Variants in DPP6 observed in about 807,000 individuals in gnomAD.
DPP6 encodes the protein A-type potassium channel modulatory protein DPP6.
In DPP6, 69 loss-of-function variants were observed where a neutral mutation model predicts 122.6. That is an observed-to-expected ratio of 0.56 (90% CI 0.46 to 0.69). The LOEUF (loss-of-function observed/expected upper bound fraction) is 0.69. Ranked by LOEUF, DPP6 falls within the 30% of genes least tolerant of loss-of-function variation. The pLI, the probability that DPP6 is intolerant of heterozygous loss-of-function variation, is 0.00. For missense variants in DPP6, 928 were observed against 1,116.9 expected, an observed-to-expected ratio of 0.83 and a Z score of 2.41; for synonymous variants, 418 against 433.1, an observed-to-expected ratio of 0.97 and a Z score of 0.43.
At chr7:153,957,601 C>A (rs2129026157) in intron 1 of DPP6, among the ~76,000 whole-genome samples, 1 of 152,294 alleles carries the variant, frequency 6.6e-6, no homozygotes, top group Non-Finnish European at 1.5e-5. Context: ...AAAGGACTTG[C>A]TTTATTTTAC....
intron 4 of DPP6, among the ~76,000 whole-genome samples, chr7:154,547,895 T>A (rs1308831978): frequency 6.6e-6 from 1 of 152,166 alleles, no homozygotes; most frequent in Non-Finnish European, 1.5e-5. Flanking sequence ...TTTTACCACA[T>A]AGACCATGAT....
chr7:154,497,161 T>C (rs10274160), intron 3 of DPP6, among the ~76,000 whole-genome samples: 90,707 of 151,966 alleles, frequency 0.6, 27,853 homozygotes, highest in South Asian at 0.69. Flanking sequence ...TGGAATTCCA[T>C]CTCACATCTG....
chr7:153,950,403 A>G (rs1295935268), intron 1 of DPP6, among the ~76,000 whole-genome samples: 3 of 152,140 alleles, frequency 2.0e-5, no homozygotes, highest in Non-Finnish European at 4.4e-5. Flanking sequence ...GGTTTTGAAG[A>G]TCCCTGTACG....
intron 1 of DPP6, among the ~76,000 whole-genome samples, chr7:154,280,215 A>G (rs752709728): frequency 3.9e-5 from 6 of 152,232 alleles, no homozygotes; most frequent in Non-Finnish European, 8.8e-5. Flanking sequence ...GGTTTCTATT[A>G]CAGTGTTCTT....
At chr7:153,936,970 G>C (rs1036020767) in intron 1 of DPP6, among the ~76,000 whole-genome samples, 1 of 152,186 alleles carries the variant, frequency 6.6e-6, no homozygotes, top group Non-Finnish European at 1.5e-5. Flanking sequence ...CACAGGGAGA[G>C]AAAAACTCAA....
the DPP6 span, among the ~76,000 whole-genome samples, chr7:153,762,993 G>A: frequency 1.3e-5 from 2 of 152,152 alleles, no homozygotes; most frequent in African/African-American, 4.8e-5. Context: ...GAAGGACGCT[G>A]TATAAGATAC....
chr7:154,052,780 T>C lies in DPP6; in HGVS notation c.-41T>C, dbSNP rs949498342. On this transcript the variant is annotated 5_prime_UTR_variant, in exon 1 of 26. Coordinates refer to ENST00000377770, the MANE Select transcript of DPP6 (RefSeq NM_130797.4). This position sits in a 1 kb window ranked among gnomAD's most constrained non-coding sequence, Gnocchi z 4.8. ...TGGGAACCGGAGAGAAAGCAAAATA[T>C]TAAAAAGCCCCAAAGACAGCCAGCA... 6.2e-6 allele frequency: 9 copies of C among 1,450,176 alleles called. No individual in the cohort carries two copies. The African/African-American group carries it at 1.2e-4, about 19-fold the overall frequency. 89.8% of individuals were successfully genotyped at this position (1,450,176 alleles called of 1,614,324 possible). A position where few individuals can be genotyped will look rare whatever the true frequency, so the allele number is the denominator to read the frequency against.
intron 1 of DPP6, among the ~76,000 whole-genome samples, chr7:154,192,621 A>T (rs1420378192): frequency 6.6e-6 from 1 of 152,272 alleles, no homozygotes; most frequent in Admixed American, 6.5e-5. Context: ...CCCAGAAGGC[A>T]GAAGCTTGAG....
chr7:154,087,518 C>A (rs538517174), intron 1 of DPP6, among the ~76,000 whole-genome samples: 2 of 152,304 alleles, frequency 1.3e-5, no homozygotes, highest in African/African-American at 4.8e-5. Flanking sequence ...TAGCCGCAGG[C>A]CAGGGACCTT....
chr7:153,914,031 C>A (rs1800201467), intron 1 of DPP6, among the ~76,000 whole-genome samples: 1 of 152,112 alleles, frequency 6.6e-6, no homozygotes, highest in Non-Finnish European at 1.5e-5. Context: ...TTGGCTGTAT[C>A]CCCACCCAAA....
At chr7:154,554,316 T>A (rs1829862313) in intron 4 of DPP6, among the ~76,000 whole-genome samples, 1 of 152,180 alleles carries the variant, frequency 6.6e-6, no homozygotes, top group African/African-American at 2.4e-5. Context: ...TTTTCAGTAT[T>A]TGTCTTTTGT....
chr7:154,498,529 G>A (rs2151403481), intron 3 of DPP6, among the ~76,000 whole-genome samples: 1 of 152,086 alleles, frequency 6.6e-6, no homozygotes, highest in East Asian at 1.9e-4. Flanking sequence ...GTAGAGATGG[G>A]GTTTCACCAT....
At chr7:154,273,607 A>T (rs948207148) in intron 1 of DPP6, among the ~76,000 whole-genome samples, 1 of 152,150 alleles carries the variant, frequency 6.6e-6, no homozygotes, top group African/African-American at 2.4e-5. Flanking sequence ...AAAACAATTC[A>T]CGTTCTGTAG....
intron 1 of DPP6, among the ~76,000 whole-genome samples, chr7:154,127,590 C>T (rs545186291): frequency 1.4e-5 from 2 of 147,500 alleles, no homozygotes; most frequent in African/African-American, 5.0e-5. Context: ...TAAACAGGAG[C>T]AGCATCTCAC....
At chr7:153,837,581 T>G in the DPP6 span, among the ~76,000 whole-genome samples, 1 of 152,208 alleles carries the variant, frequency 6.6e-6, no homozygotes, top group Non-Finnish European at 1.5e-5. Context: ...AATATATACT[T>G]TTCAATGCTA....
chr7:154,779,492 A>C lies in DPP6; in HGVS notation c.1136+6550A>C, dbSNP rs1796899698. Among the ~76,000 whole-genome samples, 5 of 152,184 alleles carry C rather than the reference A, an allele frequency of 3.3e-5. No homozygotes were observed. The South Asian group carries it at 1.0e-3, about 32-fold the overall frequency. ...AACCTGTCACATTTACAATGACCTG[A>C]CTTGCCTATGGTTGCACTTTTAATT... On this transcript the variant is annotated intron_variant, in intron 10 of 25. Transcript: ENST00000377770.
rs5888575 is a variant in DPP6, at chr7:154,483,388, A to ATTTTTTT, written c.457+8358_457+8364dup. On this transcript the variant is annotated intron_variant, in intron 3 of 25. Coordinates refer to ENST00000377770, the MANE Select transcript of DPP6 (RefSeq NM_130797.4). This position sits in a 1 kb window ranked among gnomAD's most constrained non-coding sequence, Gnocchi z 8.1. ...TAAAGGTAAACTGAGGCACAATACAATTTTTTTTTTTTTAAAAGCATTTAT... is the reference window on the plus strand; with the variant it reads ...TAAAGGTAAACTGAGGCACAATACAATTTTTTTTTTTTTTTTTTTTAAAAGCATTTAT... Among the ~76,000 whole-genome samples, 2 of 149,770 alleles carry ATTTTTTT rather than the reference A, an allele frequency of 1.3e-5. No individual in the cohort carries two copies. Among genetic ancestry groups the ATTTTTTT allele is most frequent in the African/African-American group, 4.9e-5 (2 of 40,716 alleles).
intron 5 of DPP6, among the ~76,000 whole-genome samples, chr7:154,586,538 G>A (rs1028703417): frequency 9.9e-5 from 15 of 152,080 alleles, no homozygotes; most frequent in Admixed American, 6.5e-5. Flanking sequence ...CACTGTCCTT[G>A]CCTTCATGAA....
intron 5 of DPP6, among the ~76,000 whole-genome samples, chr7:154,636,659 A>G (rs1835744768): frequency 6.6e-6 from 1 of 152,128 alleles, no homozygotes; most frequent in Non-Finnish European, 1.5e-5. Flanking sequence ...GTTTATTTTT[A>G]TATCTGGGTC....
Sources: gnomAD v4.1 joint callset for allele counts (sites outside exome capture counted in the v4.1 genomes callset) on GRCh38, gnomAD v4.1.1 for gene constraint, Gnocchi (gnomAD v3.1) non-coding constraint, MANE v1.5 for transcripts, NCBI Gene and HGNC (gene_info 2026-07-23, HGNC 2026-07-21) for gene names.